Variants in DMD observed in about 807,000 individuals in gnomAD.
DMD encodes dystrophin.
DMD carries 63 observed loss-of-function variants against 330.1 expected under a neutral mutation model. The observed-to-expected ratio is 0.19, with a 90% CI of 0.16 to 0.24. DMD has a LOEUF of 0.24. DMD is among the 10% of genes least tolerant of loss of function. The pLI, the probability that DMD is intolerant of heterozygous loss-of-function variation, is 1.00. For missense variants in DMD, 3,344 were observed against 2,684.1 expected, an observed-to-expected ratio of 1.25 and a Z score of -5.43; for synonymous variants, 1,223 against 959.8, an observed-to-expected ratio of 1.27 and a Z score of -5.07.
chrX:31,879,956 T>C (rs1360785495), intron 47 of DMD, among the ~76,000 whole-genome samples: 1 of 112,388 alleles, frequency 8.9e-6, no homozygotes, highest in East Asian at 2.8e-4. Context: ...GCTCTTCATA[T>C]AACATGTTCC....
intron 1 of DMD, among the ~76,000 whole-genome samples, chrX:33,051,463 C>A (rs2094455406): frequency 9.2e-6 from 1 of 109,097 alleles, no homozygotes; most frequent in Non-Finnish European, 1.9e-5. Flanking sequence ...CCACTGGCCT[C>A]TAACTCCCGA....
chrX:31,985,282 T>C (rs903695082), intron 44 of DMD, among the ~76,000 whole-genome samples: 1 of 112,222 alleles, frequency 8.9e-6, no homozygotes, highest in Non-Finnish European at 1.9e-5. Context: ...GCATGATGAT[T>C]AGGTGTTCTT....
chrX:32,877,477 T>C (rs1196841028), intron 2 of DMD, among the ~76,000 whole-genome samples: 1 of 112,436 alleles, frequency 8.9e-6, no homozygotes, highest in African/African-American at 3.2e-5. Flanking sequence ...ATTAGAGATG[T>C]TTCAAAATTA....
At chrX:32,852,976 G>T (rs1290817456) in intron 2 of DMD, among the ~76,000 whole-genome samples, 3 of 111,823 alleles carry the variant, frequency 2.7e-5, no homozygotes, top group Non-Finnish European at 5.6e-5. Flanking sequence ...CCTAAAAGCA[G>T]CAAGAGAAAA....
chrX:31,827,999 C>A (rs1218030749), intron 49 of DMD, among the ~76,000 whole-genome samples: 2 of 111,683 alleles, frequency 1.8e-5, no homozygotes, highest in African/African-American at 6.5e-5. Context: ...TGTCACATTT[C>A]AAGGAACTAG....
chrX:31,259,033 A>G (rs2050251369), intron 63 of DMD, among the ~76,000 whole-genome samples: 1 of 110,996 alleles, frequency 9.0e-6, no homozygotes, highest in Non-Finnish European at 1.9e-5. Context: ...AAGATCCTAG[A>G]CTATTAAACA....
chrX:31,177,822 C>T, intron 71 of DMD, 110 bp downstream of exon 71: 2 of 746,272 alleles, frequency 2.7e-6, no homozygotes, highest in Non-Finnish European at 4.1e-6. Context: ...TTAATATGTC[C>T]ATAAAACAAA....
chrX:31,754,518 C>T (rs2088889752), intron 51 of DMD, among the ~76,000 whole-genome samples: 1 of 111,240 alleles, frequency 9.0e-6, no homozygotes, highest in Non-Finnish European at 1.9e-5. Flanking sequence ...TTATAGGATA[C>T]TTGCTTATCT....
chrX:32,041,441 A>G (rs1050763031), intron 44 of DMD, among the ~76,000 whole-genome samples: 1 of 112,275 alleles, frequency 8.9e-6, no homozygotes, highest in African/African-American at 3.2e-5. Context: ...GGCTTGAGAC[A>G]TAAGTATCAT....
intron 44 of DMD, chrX:32,155,333 G>T: frequency 2.9e-6 from 2 of 688,648 alleles, no homozygotes; most frequent in Non-Finnish European, 3.5e-6. Context: ...ATGTCTTCCA[G>T]CTTTTAGGCA....
chrX:31,551,234 T>C (rs2074470717), intron 55 of DMD, among the ~76,000 whole-genome samples: 1 of 107,905 alleles, frequency 9.3e-6, no homozygotes, highest in Admixed American at 1.0e-4. Flanking sequence ...TCTGGGGAAC[T>C]GGGGCTCAAT....
intron 30 of DMD, among the ~76,000 whole-genome samples, chrX:32,408,873 T>TATCC (rs2098129968): frequency 1.0e-5 from 1 of 98,199 alleles, no homozygotes; most frequent in Admixed American, 1.1e-4. Flanking sequence ...TTCATCTATC[T>TATCC]ATCTATCTAT....
At chrX:32,892,014 G>A (rs1360315770) in intron 2 of DMD, among the ~76,000 whole-genome samples, 1 of 111,670 alleles carries the variant, frequency 9.0e-6, no homozygotes, top group Non-Finnish European at 1.9e-5. Flanking sequence ...TAATTCATCA[G>A]TTATTCAATG....
At chrX:32,691,392 C>A (rs1284969836) in intron 9 of DMD, among the ~76,000 whole-genome samples, 1 of 109,033 alleles carries the variant, frequency 9.2e-6, no homozygotes, top group African/African-American at 3.3e-5. Context: ...AAAGACGACA[C>A]CCAAATGGTC....
At chrX:31,381,724 A>G (rs1450615862) in intron 60 of DMD, among the ~76,000 whole-genome samples, 2 of 111,760 alleles carry the variant, frequency 1.8e-5, no homozygotes, top group African/African-American at 6.5e-5. Flanking sequence ...TAATGGCCAC[A>G]CACCAGCAAA....
intron 60 of DMD, among the ~76,000 whole-genome samples, chrX:31,399,735 T>C (rs1244727814): frequency 1.8e-5 from 2 of 111,541 alleles, no homozygotes; most frequent in East Asian, 2.8e-4. Context: ...TAACTAGCCA[T>C]AGTGATAAAG....
intron 41 of DMD, among the ~76,000 whole-genome samples, chrX:32,340,635 G>A (rs6631558): frequency 0.16 from 18,039 of 111,275 alleles, 1,280 homozygotes; most frequent in African/African-American, 0.26. Context: ...AAATGAGTTA[G>A]TAGTCAGATA....
At chrX:32,172,238 A>T (rs2096890148) in intron 44 of DMD, among the ~76,000 whole-genome samples, 1 of 111,887 alleles carries the variant, frequency 8.9e-6, no homozygotes, top group African/African-American at 3.2e-5. Context: ...ATCCTTTACT[A>T]ATTCAGCAAA....
chrX:31,269,460 G>A (rs1438469651), intron 62 of DMD, among the ~76,000 whole-genome samples: 3 of 111,392 alleles, frequency 2.7e-5, no homozygotes, highest in Non-Finnish European at 5.6e-5. Context: ...AATCAGCCAT[G>A]ACCTACTTGT....
Sources: gnomAD v4.1 joint callset for allele counts (sites outside exome capture counted in the v4.1 genomes callset) on GRCh38, gnomAD v4.1.1 for gene constraint, MANE v1.5 for transcripts, NCBI Gene and HGNC (gene_info 2026-07-23, HGNC 2026-07-21) for gene names.